The following PGBD2 variants were observed in gnomAD, a reference collection of about 807,000 sequenced individuals.
The protein encoded by PGBD2 is piggyBac transposable element-derived protein 2.
Under a neutral mutation model 8.1 loss-of-function variants are expected in PGBD2, and 6 were observed. That is an observed-to-expected ratio of 0.74 (90% confidence interval 0.40 to 1.46). The LOEUF is 1.46. Among genes scored for constraint, PGBD2 ranks in the 40% most tolerant of loss-of-function variants. The pLI, the probability that PGBD2 is intolerant of heterozygous loss-of-function variation, is 0.02. For missense variants in PGBD2, 802 were observed against 739.0 expected, an observed-to-expected ratio of 1.09 and a Z score of -0.99; for synonymous variants, 318 against 272.2, an observed-to-expected ratio of 1.17 and a Z score of -1.66.
the PGBD2 span, among the ~76,000 whole-genome samples, chr1:248,890,883 G>A: frequency 7.2e-5 from 10 of 138,826 alleles, 1 homozygote; most frequent in Admixed American, 7.1e-4. Context: ...CCATCACACT[G>A]CAGATGCTAT....
At chr1:248,910,090 A>G (rs574742151) in intron 1 of PGBD2, among the ~76,000 whole-genome samples, 1 of 152,328 alleles carries the variant, frequency 6.6e-6, no homozygotes, top group South Asian at 2.1e-4. Flanking sequence ...TGACATGGTA[A>G]CACAAGTCAG....
intron 1 of PGBD2, among the ~76,000 whole-genome samples, chr1:248,907,714 C>G (rs776843823): frequency 6.6e-6 from 1 of 152,154 alleles, no homozygotes; most frequent in Non-Finnish European, 1.5e-5. Flanking sequence ...GCCCTAGACC[C>G]CTTAAACCTT....
At chr1:248,922,055 CTTTTTTCT>C (rs965978448), downstream of PGBD2, among the ~76,000 whole-genome samples, 9 of 146,990 alleles carry the variant, frequency 6.1e-5, no homozygotes, top group African/African-American at 2.3e-4. Context: ...GTTTTCTTTT[CTTTTTTCT>C]TTTTTTTTTT....
At chr1:248,884,659 A>G in the PGBD2 span, among the ~76,000 whole-genome samples, 8 of 152,194 alleles carry the variant, frequency 5.3e-5, no homozygotes, top group Non-Finnish European at 7.3e-5. Flanking sequence ...AAATCAATAC[A>G]TGGAAGGTAT....
the PGBD2 span, among the ~76,000 whole-genome samples, chr1:248,890,697 G>A: frequency 3.6e-5 from 5 of 139,328 alleles, no homozygotes; most frequent in South Asian, 2.3e-4. Context: ...CACCAACACC[G>A]ACCCCCACAC....
In PGBD2 at chr1:248,909,678, G is replaced by C. The variant is rs115983144; in HGVS notation, c.-48+3336G>C. On this transcript the variant is annotated intron_variant, in intron 1 of 2. Transcript: ENST00000329291. ...TCTATTGTGGTGAAAGCTGTGGTAA[G>C]AGGAAGACTTGATTGGAAGCTTGAT... 9.1e-3 allele frequency among the ~76,000 whole-genome samples: 1,388 copies of C among 152,296 alleles called. 7 individuals are homozygous for C. The highest frequency in any genetic ancestry group is 0.015 in the Non-Finnish European group (1,041 of 68,018).
the PGBD2 span, among the ~76,000 whole-genome samples, chr1:248,889,711 C>G: frequency 1.3e-5 from 2 of 152,036 alleles, no homozygotes. Flanking sequence ...CACTGGAGCC[C>G]CAGTAAAACA....
intron 1 of PGBD2, among the ~76,000 whole-genome samples, chr1:248,911,894 C>G (rs554446896): frequency 6.6e-6 from 1 of 151,824 alleles, no homozygotes; most frequent in East Asian, 1.9e-4. Flanking sequence ...GGATATGACA[C>G]CAGGTGGGAG....
At chr1:248,890,740 A>T in the PGBD2 span, among the ~76,000 whole-genome samples, 48 of 150,440 alleles carry the variant, frequency 3.2e-4, no homozygotes, top group African/African-American at 1.1e-3. Context: ...CAGACCACCC[A>T]CACTACACAT....
chr1:248,925,834 C>T, the PGBD2 span, among the ~76,000 whole-genome samples: 20 of 152,178 alleles, frequency 1.3e-4, no homozygotes, highest in East Asian at 1.4e-3. Flanking sequence ...GTTCCAAGGC[C>T]CTGGCTCCAG....
rs1159556933 is a variant in PGBD2, at chr1:248,916,707, G to A, written c.123G>A (p.Glu41=). ...AAGAGTCCAACAACAACAGGGAAGA[G>A]ATTTTCATTGCACCTCCCGACAATG... ...EEEESNNNRE[E]IFIAPPDNAA... The change falls in exon 3 of 3, where the codon GAG becomes GAA. Residue 41 remains glutamate (E), a synonymous_variant. Coordinates refer to ENST00000329291, the MANE Select transcript of PGBD2 (RefSeq NM_170725.3). 1.2e-6 allele frequency: 2 copies of A among 1,614,066 alleles called. No homozygotes were observed. Among genetic ancestry groups the A allele is most frequent in the Non-Finnish European group, 1.7e-6 (2 of 1,180,040 alleles).
At position 248,916,767 on chromosome 1, in the gene PGBD2, T is replaced by TCCCC. The variant is rs749227230; in HGVS notation, c.183_184insCCCC (p.Glu62ProfsTer22). 5 of 1,614,160 alleles carry TCCCC rather than the reference T, an allele frequency of 3.1e-6. No homozygotes were observed. The highest frequency in any genetic ancestry group is 4.2e-6 in the Non-Finnish European group (5 of 1,180,032). On this transcript the variant is annotated frameshift_variant, in exon 3 of 3. Transcript: ENST00000329291. LOFTEE classifies it low-confidence loss of function (END_TRUNC). Reference sequence around the variant, plus strand: ...AATTCACTGATGAGGACTCAGGGGATGAAGACAGCCAGCGAGGTGCTCACC... The same window carrying TCCCC: ...AATTCACTGATGAGGACTCAGGGGATCCCCGAAGACAGCCAGCGAGGTGCTCACC...
the PGBD2 span, among the ~76,000 whole-genome samples, chr1:248,927,632 C>T: frequency 1.1e-4 from 17 of 152,248 alleles, no homozygotes; most frequent in South Asian, 4.1e-4. Flanking sequence ...TACTTACAAA[C>T]GCAGACTGTG....
At chr1:248,876,419 A>G in the PGBD2 span, among the ~76,000 whole-genome samples, 2 of 152,194 alleles carry the variant, frequency 1.3e-5, no homozygotes, top group Non-Finnish European at 2.9e-5. Flanking sequence ...AGGGTTTGCT[A>G]TTCTTTTGGT....
At chr1:248,899,786 GT>G in the PGBD2 span, among the ~76,000 whole-genome samples, 10 of 140,312 alleles carry the variant, frequency 7.1e-5, 1 homozygote, top group Middle Eastern at 0.022. Flanking sequence ...TTCAGGAGCT[GT>G]TTTTTTTGGG....
At chr1:248,911,741 C>T (rs1289491633) in intron 1 of PGBD2, among the ~76,000 whole-genome samples, 23 of 150,874 alleles carry the variant, frequency 1.5e-4, no homozygotes, top group Non-Finnish European at 2.4e-4. Flanking sequence ...GCTGGCCGGG[C>T]GGGGGGCTGA....
chr1:248,918,303 G>C lies in PGBD2; in HGVS notation c.1719G>C (p.Arg573=). 6.3e-7 allele frequency: 1 copy of C among 1,592,912 alleles called. No individual in the cohort carries two copies. The highest frequency in any genetic ancestry group is 8.6e-7 in the Non-Finnish European group (1 of 1,169,272). ...CALCHSQTNT[R]CEKCQKGVHA... ...TCTGCCACTCACAGACCAACACCCGGTGTGAGAAGTGCCAGAAGGGTGTCC... is the reference window on the plus strand; with the variant it reads ...TCTGCCACTCACAGACCAACACCCGCTGTGAGAAGTGCCAGAAGGGTGTCC... Residue 573 remains arginine, a synonymous_variant, in exon 3 of 3, where the codon CGG becomes CGC. Coordinates refer to ENST00000329291, the MANE Select transcript of PGBD2 (RefSeq NM_170725.3).
the PGBD2 span, among the ~76,000 whole-genome samples, chr1:248,929,332 T>C: frequency 3.3e-5 from 5 of 152,204 alleles, no homozygotes; most frequent in Non-Finnish European, 7.3e-5. Flanking sequence ...AATATGAACA[T>C]TTCCACCACC....
chr1:248,913,721 T>A, intron 1 of PGBD2, 95 bp from the exon 2 acceptor site: 1 of 734,932 alleles, frequency 1.4e-6, no homozygotes, highest in Non-Finnish European at 2.4e-6. Context: ...GAATCTTAAG[T>A]CAAATATATT....
Sources: allele counts gnomAD v4.1 joint callset (sites outside exome capture counted in the v4.1 genomes callset), GRCh38; gene constraint gnomAD v4.1.1; transcripts MANE v1.5; gene names NCBI Gene and HGNC (gene_info 2026-07-23, HGNC 2026-07-21).